GRM4: variants seen among roughly 807,000 people sequenced by gnomAD.
The protein encoded by GRM4 is metabotropic glutamate receptor 4.
Under a neutral mutation model 81.7 loss-of-function variants are expected in GRM4, and 28 were observed. The observed-to-expected ratio is 0.34, with a 90% CI of 0.25 to 0.47. The LOEUF is 0.47. Among genes scored for constraint, GRM4 ranks in the 20% least tolerant of loss-of-function variants. GRM4 has a pLI of 1.00. For missense variants in GRM4, 948 were observed against 1,290.0 expected (o/e 0.73, Z 4.06); for synonymous variants, 488 against 528.8 (o/e 0.92, Z 1.06).
rs371917614 is a variant in GRM4, at chr6:34,092,266, G to A, written c.520-167C>T. Among the ~76,000 whole-genome samples the A allele has an allele frequency of 1.5e-4, 23 of 151,870 alleles. No homozygotes were observed. Among genetic ancestry groups the A allele is most frequent in the Non-Finnish European group, 2.4e-4 (16 of 67,976 alleles). On this transcript the variant is annotated intron_variant, in intron 2 of 10. Coordinates refer to ENST00000538487, the MANE Select transcript of GRM4 (RefSeq NM_000841.4). This position sits in a 1 kb window ranked among gnomAD's most constrained non-coding sequence, Gnocchi z 6.8. ...TCCTCCTCCAGAAAGTCTCCCAACC[G>A]GCCTCCCTGGGGTCCCCAAAGACAC...
intron 1 of GRM4, among the ~76,000 whole-genome samples, chr6:34,154,159 C>T (rs1356688850): frequency 1.3e-5 from 2 of 152,206 alleles, no homozygotes; most frequent in African/African-American, 4.8e-5. Context: ...CACTTGACCT[C>T]TCCAGCCCAG....
intron 3 of GRM4, among the ~76,000 whole-genome samples, chr6:34,073,232 T>C (rs2127472681): frequency 1.3e-3 from 1 of 790 alleles, no homozygotes; most frequent in African/African-American, 2.0e-3. Context: ...CATCACCAAA[T>C]ACATGCCACA....
Position 34,022,517 on chromosome 6 carries a change from G to C in GRM4, c.*304C>G. The C allele has an allele frequency of 4.3e-6, 2 of 468,564 alleles. No individual in the cohort carries two copies. Among genetic ancestry groups the C allele is most frequent in the South Asian group, 5.1e-5 (2 of 39,392 alleles). The allele number at this position is 468,564 out of a possible 1,614,324, so 29.0% of individuals were successfully genotyped here. ...ACAGACAGAGACGAAGGGAGGGAGA[G>C]ATCTAGCACTGGGGCCCACACGACC... is the stretch of plus-strand genomic sequence containing the variant. On this transcript the variant is annotated 3_prime_UTR_variant, in exon 11 of 11. Transcript: ENST00000538487. This position sits in a 1 kb window ranked among gnomAD's most constrained non-coding sequence, Gnocchi z 5.6.
chr6:34,043,830 G>T (rs947670738), intron 6 of GRM4, among the ~76,000 whole-genome samples: 5 of 152,172 alleles, frequency 3.3e-5, no homozygotes, highest in Non-Finnish European at 7.4e-5. Flanking sequence ...CAGCTCTGGG[G>T]GAAGGGCTCC....
At chr6:34,099,520 G>T (rs1177512361) in intron 2 of GRM4, among the ~76,000 whole-genome samples, 1 of 152,144 alleles carries the variant, frequency 6.6e-6, no homozygotes, top group Non-Finnish European at 1.5e-5. Flanking sequence ...TAGCAGGGGG[G>T]TGCAGGGAGG....
At chr6:34,153,117 G>A (rs1771078937) in intron 1 of GRM4, among the ~76,000 whole-genome samples, 1 of 152,034 alleles carries the variant, frequency 6.6e-6, no homozygotes, top group African/African-American at 2.4e-5. Context: ...TGAGACATAT[G>A]GACTCCACCC....
rs1770188145 is a variant in GRM4, at chr6:34,130,367, T to C, written c.519+2611A>G. 6.6e-6 allele frequency among the ~76,000 whole-genome samples: 1 copy of C among 152,094 alleles called. No individual in the cohort carries two copies. Among genetic ancestry groups the C allele is most frequent in the South Asian group, 2.1e-4 (1 of 4,822 alleles). Reference sequence around the variant, plus strand: ...TCTCTACCTCCCGGTCCTGCCTTGCTCTCTGTGCAGCCTGAGGGGCTCCTG... The same window carrying C: ...TCTCTACCTCCCGGTCCTGCCTTGCCCTCTGTGCAGCCTGAGGGGCTCCTG... On this transcript the variant is annotated intron_variant, in intron 2 of 10. Transcript: ENST00000538487. This position sits in a 1 kb window ranked among gnomAD's most constrained non-coding sequence, Gnocchi z 4.1.
At chr6:34,079,002 A>G (rs1581665481) in intron 3 of GRM4, among the ~76,000 whole-genome samples, 1 of 151,846 alleles carries the variant, frequency 6.6e-6, no homozygotes, top group African/African-American at 2.4e-5. Flanking sequence ...GCAGCCCCTC[A>G]CTCCCTCCAG....
At chr6:34,085,601 G>C (rs1406876009) in intron 3 of GRM4, among the ~76,000 whole-genome samples, 3 of 152,222 alleles carry the variant, frequency 2.0e-5, no homozygotes, top group African/African-American at 7.2e-5. Context: ...AGCTAAAGAA[G>C]AAGTGAGTAG....
upstream of GRM4, among the ~76,000 whole-genome samples, chr6:34,146,953 C>T (rs1466135791): frequency 6.6e-6 from 1 of 152,238 alleles, no homozygotes; most frequent in Non-Finnish European, 1.5e-5. Context: ...CCTGCTTAGG[C>T]TCCACCTCCT....
At chr6:34,122,412 C>T (rs1006055917) in intron 2 of GRM4, among the ~76,000 whole-genome samples, 1 of 152,064 alleles carries the variant, frequency 6.6e-6, no homozygotes, top group Admixed American at 6.5e-5. Flanking sequence ...CACCACTCTC[C>T]ACACGGAACC....
Position 34,092,099 on chromosome 6 carries a change from T to C in GRM4, c.520A>G (p.Ile174Val). The C allele has an allele frequency of 6.3e-7, 1 of 1,594,816 alleles. No individual in the cohort carries two copies. Among genetic ancestry groups the C allele is most frequent in the Non-Finnish European group, 8.6e-7 (1 of 1,164,968 alleles). The change falls in exon 3 of 11, where the codon ATA (isoleucine) becomes GTA (valine). Residue 174 changes from isoleucine to valine, a missense_variant and splice_region_variant. By Grantham distance (29) the Ile-to-Val change is conservative. Coordinates refer to ENST00000538487, the MANE Select transcript of GRM4 (RefSeq NM_000841.4). This position sits in a 1 kb window ranked among gnomAD's most constrained non-coding sequence, Gnocchi z 6.8. Reference protein sequence around the residue: ...MVANILRLFKIPQISYASTAP... With the variant: ...MVANILRLFKVPQISYASTAP... ...GTGGAGGCGTAGCTGATCTGGGGTA[T>C]CTGAGGGGCGAGAGGGGCTGCTGAG...
Position 34,074,210 on chromosome 6 carries a change from T to C in GRM4, c.737-12182A>G, listed in dbSNP as rs973896361. On this transcript the variant is annotated intron_variant, in intron 3 of 10. Coordinates refer to ENST00000538487, the MANE Select transcript of GRM4 (RefSeq NM_000841.4). This position sits in a 1 kb window ranked among gnomAD's most constrained non-coding sequence, Gnocchi z 4.9. The stretch of plus-strand genomic sequence containing the variant: ...CGGAGTCTGGGCACAGACAGGGGCA[T>C]GTCCCATCTCAACCACCTACTGCTT... 1.3e-5 allele frequency among the ~76,000 whole-genome samples: 2 copies of C among 152,106 alleles called. No individual in the cohort carries two copies. The highest frequency in any genetic ancestry group is 4.8e-5 in the African/African-American group (2 of 41,432).
At chr6:34,105,586 C>G (rs776255733) in intron 2 of GRM4, among the ~76,000 whole-genome samples, 5 of 152,054 alleles carry the variant, frequency 3.3e-5, no homozygotes, top group Admixed American at 6.5e-5. Context: ...CTCAGCGCTC[C>G]CTTCCCTCTG....
intron 6 of GRM4, among the ~76,000 whole-genome samples, chr6:34,044,735 C>A (rs1765259017): frequency 7.2e-6 from 1 of 138,374 alleles, no homozygotes; most frequent in South Asian, 2.2e-4. Context: ...CACAGACATA[C>A]ATACATACAC....
At position 34,152,683 on chromosome 6, in the gene GRM4, G is replaced by A. The variant is rs932743429; in HGVS notation, c.312+2396C>T. ...CCCTCGTGGGCTGCATTTTAATGGC[G>A]TTTGATTGGATCCGATGCGCTTTTA... is the stretch of plus-strand genomic sequence containing the variant. On this transcript the variant is annotated intron_variant, in intron 1 of 8. Transcript: ENST00000374177. This position sits in a 1 kb window ranked among gnomAD's most constrained non-coding sequence, Gnocchi z 4.1. 7.2e-5 allele frequency among the ~76,000 whole-genome samples: 11 copies of A among 152,338 alleles called. No individual in the cohort carries two copies. Among genetic ancestry groups the A allele is most frequent in the Middle Eastern group, 3.4e-3 (1 of 294 alleles).
chr6:34,040,364 C>A (rs1353551423), intron 7 of GRM4, 50 bp from the exon 8 acceptor site: 18 of 1,597,486 alleles, frequency 1.1e-5, no homozygotes, highest in Non-Finnish European at 1.4e-5. Context: ...AGAGGCAGGG[C>A]GGATGATGAG....
At chr6:34,097,369 T>G (rs1045465541) in intron 2 of GRM4, among the ~76,000 whole-genome samples, 2 of 152,022 alleles carry the variant, frequency 1.3e-5, no homozygotes, top group Admixed American at 1.3e-4. Flanking sequence ...CATGTATGCA[T>G]GCCTGTGTGT....
chr6:34,056,744 TC>T, intron 5 of GRM4, 60 bp from the exon 6 acceptor site: 1 of 1,547,948 alleles, frequency 6.5e-7, no homozygotes, highest in Non-Finnish European at 8.8e-7. Context: ...GCCCCAGCCC[TC>T]CCCGCCTCCC....
Sources: gnomAD v4.1 joint callset for allele counts (sites outside exome capture counted in the v4.1 genomes callset) on GRCh38, gnomAD v4.1.1 for gene constraint, Gnocchi (gnomAD v3.1) non-coding constraint, MANE v1.5 for transcripts, NCBI Gene and HGNC (gene_info 2026-07-23, HGNC 2026-07-21) for gene names.